TMPRSS11D: variants seen among roughly 807,000 people sequenced by gnomAD.
The protein encoded by TMPRSS11D is transmembrane serine protease 11D.
In TMPRSS11D, 32 loss-of-function variants were observed where a neutral mutation model predicts 44.4. The ratio of observed to expected loss-of-function variants is 0.72; its 90% CI spans 0.54 to 0.97. The LOEUF (loss-of-function observed/expected upper bound fraction) is 0.97. TMPRSS11D is among the 50% of genes least tolerant of loss of function. The pLI is 0.00. For missense variants in TMPRSS11D, 446 were observed against 502.6 expected, an observed-to-expected ratio of 0.89 and a Z score of 1.08; for synonymous variants, 179 against 177.9, an observed-to-expected ratio of 1.01 and a Z score of -0.05.
At position 67,876,492 on chromosome 4, in the gene TMPRSS11D, G is replaced by A. The variant is rs532315693; in HGVS notation, c.8+7434C>T. Among the ~76,000 whole-genome samples, 277 of 151,874 alleles carry A rather than the reference G, an allele frequency of 1.8e-3. 1 individual carries two copies. The highest frequency in any genetic ancestry group is 6.3e-3 in the African/African-American group (263 of 41,422). ...ACAATTTTACATATTCAAGGTGTAC[G>A]ACATGATATATTTTTATAATAACAT... is the stretch of plus-strand genomic sequence containing the variant. On this transcript the variant is annotated intron_variant, in intron 1 of 9. Transcript: ENST00000283916.
intron 4 of TMPRSS11D, among the ~76,000 whole-genome samples, chr4:67,839,808 T>A (rs1355610802): frequency 6.6e-6 from 1 of 151,974 alleles, no homozygotes; most frequent in African/African-American, 2.4e-5. Flanking sequence ...ACTACCTGAA[T>A]ACTCCCAGAA....
In TMPRSS11D at chr4:67,822,378, T is replaced by C. The variant is rs112453913; in HGVS notation, c.1216A>G (p.Thr406Ala). 6.2e-7 allele frequency: 1 copy of C among 1,613,886 alleles called. No homozygotes were observed. Among genetic ancestry groups the C allele is most frequent in the Non-Finnish European group, 8.5e-7 (1 of 1,179,846 alleles). ...TGCCTAATCCAGTCAAGGTAGGCTG[T>C]CACTCGAGTATACACTCCTGGCTTA... ...PDKPGVYTRV[T>A]AYLDWIRQQT... Residue 406 changes from threonine to alanine, a missense_variant, in exon 10 of 10, where the codon ACA (threonine) becomes GCA (alanine). Physicochemically the swap from Thr to Ala is moderately conservative, Grantham distance 58. Transcript: ENST00000283916.
At chr4:67,883,634 G>A (rs1719378679) in intron 1 of TMPRSS11D, among the ~76,000 whole-genome samples, 1 of 152,020 alleles carries the variant, frequency 6.6e-6, no homozygotes, top group Non-Finnish European at 1.5e-5. Context: ...TTTTCGAAAT[G>A]TTGCACATGA....
At chr4:67,873,470 A>C (rs1229769203) in intron 1 of TMPRSS11D, among the ~76,000 whole-genome samples, 3 of 152,220 alleles carry the variant, frequency 2.0e-5, no homozygotes, top group Non-Finnish European at 4.4e-5. Flanking sequence ...TGTAGCTTGT[A>C]GAATGAATGA....
At chr4:67,833,422 T>A in intron 6 of TMPRSS11D, 41 bp from the exon 7 acceptor site, 1 of 1,374,166 alleles carries the variant, frequency 7.3e-7, no homozygotes, top group South Asian at 2.0e-5. Flanking sequence ...AGATCATGAT[T>A]CCTTTACATT....
At chr4:67,824,523 GCA>G (rs1235908581) in intron 9 of TMPRSS11D, among the ~76,000 whole-genome samples, 2 of 151,990 alleles carry the variant, frequency 1.3e-5, no homozygotes, top group East Asian at 1.9e-4. Context: ...GGGTTTCCTA[GCA>G]CAGAGACATC....
At chr4:67,822,557 G>C in intron 9 of TMPRSS11D, 59 bp from the exon 10 acceptor site, 1 of 1,587,698 alleles carries the variant, frequency 6.3e-7, no homozygotes, top group East Asian at 2.2e-5. Flanking sequence ...AAATATTAAG[G>C]AGTTTATTTC....
chr4:67,860,811 G>T (rs919288718), intron 1 of TMPRSS11D, among the ~76,000 whole-genome samples: 9 of 152,076 alleles, frequency 5.9e-5, no homozygotes. Context: ...AGTGAGAAGG[G>T]TATGTTCTGA....
intron 5 of TMPRSS11D, among the ~76,000 whole-genome samples, chr4:67,837,722 G>A (rs1243083238): frequency 6.6e-6 from 1 of 152,070 alleles, no homozygotes; most frequent in Non-Finnish European, 1.5e-5. Flanking sequence ...CTTTTAGGAT[G>A]ATTACAGTGT....
chr4:67,838,148 T>C (rs1201556296), intron 5 of TMPRSS11D, 24 bp downstream of exon 5: 2 of 1,476,558 alleles, frequency 1.4e-6, no homozygotes, highest in Non-Finnish European at 1.8e-6. Context: ...TGAAATAAAA[T>C]TGTTTATGAA....
At chr4:67,823,969 C>T (rs930378760) in intron 9 of TMPRSS11D, among the ~76,000 whole-genome samples, 4 of 152,080 alleles carry the variant, frequency 2.6e-5, no homozygotes, top group African/African-American at 9.7e-5. Context: ...TGTGTCCTCT[C>T]TTGTAGACCA....
chr4:67,867,821 A>G (rs1340548923), intron 1 of TMPRSS11D, among the ~76,000 whole-genome samples: 1 of 152,168 alleles, frequency 6.6e-6, no homozygotes, highest in East Asian at 1.9e-4. Context: ...AAGGTATAAC[A>G]TGTTGGTGAG....
chr4:67,833,077 G>A, intron 7 of TMPRSS11D, 127 bp downstream of exon 7: 1 of 949,752 alleles, frequency 1.1e-6, no homozygotes, highest in Non-Finnish European at 1.4e-6. Flanking sequence ...TGAATAGGAA[G>A]AAAATTCTTA....
chr4:67,825,828 A>G lies in TMPRSS11D; in HGVS notation c.999T>C (p.Ser333=), dbSNP rs1560535855. The G allele has an allele frequency of 6.2e-7, 1 of 1,613,202 alleles. No individual in the cohort carries two copies. Among genetic ancestry groups the G allele is most frequent in the South Asian group, 1.1e-5 (1 of 91,036 alleles). Residue 333 remains serine (S), a synonymous_variant, in exon 9 of 10, where the codon AGT becomes AGC. Transcript: ENST00000283916. Reference sequence around the variant, plus strand: ...TATGTGGTGCATTACATACATCATTACTTATTATTCTGACCTGTCCTTGCC... The same window carrying G: ...TATGTGGTGCATTACATACATCATTGCTTATTATTCTGACCTGTCCTTGCC... ...ELRQGQVRII[S]NDVCNAPHSY...
intron 4 of TMPRSS11D, among the ~76,000 whole-genome samples, chr4:67,840,100 A>G (rs1375787059): frequency 6.6e-6 from 1 of 151,830 alleles, no homozygotes; most frequent in Admixed American, 6.6e-5. Context: ...CAGGGTCCCA[A>G]GTGAGATTAA....
intron 1 of TMPRSS11D, among the ~76,000 whole-genome samples, chr4:67,867,416 C>G (rs942141666): frequency 6.6e-6 from 1 of 151,768 alleles, no homozygotes; most frequent in Non-Finnish European, 1.5e-5. Context: ...GGACATTAAC[C>G]TAGGCAAAGA....
chr4:67,864,203 T>C (rs1718862467), intron 1 of TMPRSS11D, among the ~76,000 whole-genome samples: 1 of 152,050 alleles, frequency 6.6e-6, no homozygotes, highest in African/African-American at 2.4e-5. Flanking sequence ...CTATTTCACT[T>C]TTTCTCCACA....
At chr4:67,865,971 G>A (rs369252776) in intron 1 of TMPRSS11D, among the ~76,000 whole-genome samples, 6 of 151,910 alleles carry the variant, frequency 3.9e-5, no homozygotes, top group African/African-American at 9.7e-5. Context: ...TTGAGGAGGA[G>A]GGAATCTTTC....
At chr4:67,827,820 CTT>C (rs1717842455) in intron 7 of TMPRSS11D, among the ~76,000 whole-genome samples, 1 of 151,982 alleles carries the variant, frequency 6.6e-6, no homozygotes, top group Admixed American at 6.6e-5. Context: ...ACACAAATAT[CTT>C]TGATTTCTCT....
Sources: allele counts gnomAD v4.1 joint callset (sites outside exome capture counted in the v4.1 genomes callset), GRCh38; gene constraint gnomAD v4.1.1; transcripts MANE v1.5; gene names NCBI Gene and HGNC (gene_info 2026-07-23, HGNC 2026-07-21).